RSRC1: variants seen among roughly 807,000 people sequenced by gnomAD.
RSRC1 encodes arginine and serine rich coiled-coil 1, also known as serine/Arginine-related protein 53.
In RSRC1, 39 loss-of-function variants were observed where a neutral mutation model predicts 49.1. The observed-to-expected ratio is 0.79, with a 90% CI of 0.61 to 1.04. The LOEUF (loss-of-function observed/expected upper bound fraction) is 1.04. RSRC1 is among the 50% of genes least tolerant of loss of function. RSRC1 has a pLI of 0.00. For missense variants in RSRC1, 388 were observed against 402.4 expected (o/e 0.96, Z 0.31); for synonymous variants, 143 against 130.8 (o/e 1.09, Z -0.63).
At chr3:158,300,136 A>T (rs1288703125) in intron 5 of RSRC1, among the ~76,000 whole-genome samples, 34 of 152,266 alleles carry the variant, frequency 2.2e-4, no homozygotes. Flanking sequence ...AAAGATAAGC[A>T]TTTTGGGAAT....
At chr3:158,118,588 C>T (rs757855774) in intron 1 of RSRC1, among the ~76,000 whole-genome samples, 52 of 152,218 alleles carry the variant, frequency 3.4e-4, no homozygotes, top group Non-Finnish European at 7.4e-4. Flanking sequence ...AGGATATTAG[C>T]TGTTATTTTT....
At chr3:158,452,357 CTTT>C (rs1395526895) in intron 6 of RSRC1, among the ~76,000 whole-genome samples, 3 of 152,074 alleles carry the variant, frequency 2.0e-5, no homozygotes, top group Non-Finnish European at 4.4e-5. Flanking sequence ...TATACTGTAT[CTTT>C]TTTACTCACA....
At chr3:158,236,632 G>A (rs1485135535) in intron 4 of RSRC1, among the ~76,000 whole-genome samples, 3 of 152,182 alleles carry the variant, frequency 2.0e-5, no homozygotes, top group African/African-American at 7.2e-5. Context: ...GCATGCTGTT[G>A]CATGTATTGG....
intron 3 of RSRC1, among the ~76,000 whole-genome samples, chr3:158,135,435 AT>A (rs751854340): frequency 7.1e-4 from 97 of 136,916 alleles, no homozygotes; most frequent in Non-Finnish European, 8.8e-4. Context: ...ACACCCAGCT[AT>A]TTTTTTTTTT....
chr3:158,241,470 A>G, intron 4 of RSRC1, among the ~76,000 whole-genome samples: 1 of 151,512 alleles, frequency 6.6e-6, no homozygotes, highest in East Asian at 1.9e-4. Context: ...ATATATATAT[A>G]TATTATAAAA....
At chr3:158,488,583 A>G (rs1345492535) in intron 7 of RSRC1, among the ~76,000 whole-genome samples, 1 of 152,228 alleles carries the variant, frequency 6.6e-6, no homozygotes, top group Admixed American at 6.5e-5. Flanking sequence ...ATTAGAGTAT[A>G]TAAAGATGTT....
At chr3:158,343,757 A>G (rs779083995) in intron 5 of RSRC1, among the ~76,000 whole-genome samples, 1 of 149,536 alleles carries the variant, frequency 6.7e-6, no homozygotes, top group Non-Finnish European at 1.5e-5. Flanking sequence ...TAGCAAAAGA[A>G]CTATCCAAAA....
At chr3:158,214,079 C>T (rs113990032) in intron 4 of RSRC1, among the ~76,000 whole-genome samples, 3 of 151,614 alleles carry the variant, frequency 2.0e-5, no homozygotes, top group Non-Finnish European at 4.4e-5. Flanking sequence ...TAACTATTTA[C>T]ATAGCATTTA....
At chr3:158,326,049 A>C (rs1424017484) in intron 5 of RSRC1, among the ~76,000 whole-genome samples, 1 of 152,134 alleles carries the variant, frequency 6.6e-6, no homozygotes, top group Non-Finnish European at 1.5e-5. Context: ...TTGGTGTATA[A>C]GAATGCTTGT....
At chr3:158,516,172 C>T (rs1466755056) in intron 7 of RSRC1, among the ~76,000 whole-genome samples, 1 of 152,178 alleles carries the variant, frequency 6.6e-6, no homozygotes, top group African/African-American at 2.4e-5. Flanking sequence ...AGGAGAGGTG[C>T]TCGCTTTTTA....
intron 6 of RSRC1, among the ~76,000 whole-genome samples, chr3:158,427,365 T>G (rs1040779882): frequency 1.3e-5 from 2 of 151,842 alleles, no homozygotes; most frequent in African/African-American, 2.4e-5. Context: ...ATGCATTACT[T>G]TAACGCAGTT....
chr3:158,110,989 T>C (rs912205497), intron 1 of RSRC1, among the ~76,000 whole-genome samples: 7 of 152,182 alleles, frequency 4.6e-5, no homozygotes, highest in African/African-American at 7.2e-5. Context: ...CAAAAAAATA[T>C]TTTTTTACAC....
chr3:158,353,978 T>C (rs1731013948), intron 5 of RSRC1, among the ~76,000 whole-genome samples: 1 of 150,068 alleles, frequency 6.7e-6, no homozygotes, highest in Non-Finnish European at 1.5e-5. Flanking sequence ...GGTAGGAAAT[T>C]AGTTTAGTTT....
At chr3:158,534,301 T>C (rs928678742) in intron 7 of RSRC1, among the ~76,000 whole-genome samples, 2 of 151,710 alleles carry the variant, frequency 1.3e-5, no homozygotes, top group African/African-American at 4.8e-5. Flanking sequence ...TGAAACCAAA[T>C]TTCCTTTAAT....
At chr3:158,336,011 C>T (rs1244834358) in intron 5 of RSRC1, among the ~76,000 whole-genome samples, 2 of 152,308 alleles carry the variant, frequency 1.3e-5, no homozygotes, top group East Asian at 3.9e-4. Context: ...GATTTAGAAG[C>T]AGTAATTCCA....
At chr3:158,276,652 C>T (rs1393997471) in intron 4 of RSRC1, among the ~76,000 whole-genome samples, 1 of 151,966 alleles carries the variant, frequency 6.6e-6, no homozygotes, top group Non-Finnish European at 1.5e-5. Flanking sequence ...GTTTTTCGAC[C>T]AGTATTTTTA....
At chr3:158,512,071 C>T (rs1468070626) in intron 7 of RSRC1, among the ~76,000 whole-genome samples, 2 of 144,390 alleles carry the variant, frequency 1.4e-5, no homozygotes, top group Non-Finnish European at 3.0e-5. Flanking sequence ...TTGTAGGTTG[C>T]CTGTTCACTC....
At chr3:158,461,132 A>G (rs550362370) in intron 7 of RSRC1, 129 bp downstream of exon 7, 6 of 518,188 alleles carry the variant, frequency 1.2e-5, no homozygotes, top group South Asian at 3.6e-5. Context: ...CTATGACACA[A>G]TAGCACACTA....
At chr3:158,164,919 AG>A (rs1411235934) in intron 3 of RSRC1, among the ~76,000 whole-genome samples, 1 of 152,200 alleles carries the variant, frequency 6.6e-6, no homozygotes. Context: ...TAAGGTTTTA[AG>A]ATTATTGATT....
Sources: gnomAD v4.1 joint callset for allele counts (sites outside exome capture counted in the v4.1 genomes callset) on GRCh38, gnomAD v4.1.1 for gene constraint, MANE v1.5 for transcripts, NCBI Gene and HGNC (gene_info 2026-07-23, HGNC 2026-07-21) for gene names.